The following TMEM40 variants were observed in gnomAD, a reference collection of about 807,000 sequenced individuals.
TMEM40 encodes transmembrane protein 40.
A neutral mutation model predicts 40.8 loss-of-function variants in TMEM40; 34 were observed. That is an observed-to-expected ratio of 0.83 (90% CI 0.63 to 1.11). The LOEUF is 1.11. TMEM40 is among the 50% of genes least tolerant of loss of function. The probability of loss-of-function intolerance (pLI) is 0.00; values close to 1 mark genes in which losing one functional copy is unlikely to be tolerated. For synonymous variants in TMEM40, 106 were observed against 107.0 expected (o/e 0.99, Z 0.06); for missense variants, 296 against 280.2 (o/e 1.06, Z -0.40).
chr3:12,735,117 C>T (rs957039931), intron 11 of TMEM40, among the ~76,000 whole-genome samples: 8 of 152,110 alleles, frequency 5.3e-5, no homozygotes, highest in Admixed American at 1.3e-4. Context: ...TGACTGTGGG[C>T]GAGTCACTCC....
intron 3 of TMEM40, among the ~76,000 whole-genome samples, chr3:12,745,592 G>A (rs142625465): frequency 0.02 from 3,011 of 152,176 alleles, 91 homozygotes; most frequent in African/African-American, 0.067. Flanking sequence ...GGGATTATAG[G>A]TATGTGCCAC....
intron 2 of TMEM40, among the ~76,000 whole-genome samples, chr3:12,749,041 T>C (rs886234432): frequency 6.6e-6 from 1 of 152,106 alleles, no homozygotes; most frequent in African/African-American, 2.4e-5. Flanking sequence ...TCTTTTTTTT[T>C]TGAGACGGAG....
chr3:12,748,815 G>A lies in TMEM40; in HGVS notation c.74-23C>T, dbSNP rs771005096. 76 of 1,610,584 alleles carry A rather than the reference G, an allele frequency of 4.7e-5. No homozygotes were observed. The Admixed American group carries it at 1.2e-3, about 26-fold the overall frequency. ...CATCTACAAGGCACACAGAGGCCAG[G>A]GGATGAGCGTTTCCCACCCTTCCCA... On this transcript the variant is annotated intron_variant, in intron 2 of 11. Transcript: ENST00000314124.
At position 12,734,100 on chromosome 3, in the gene TMEM40, A is replaced by G. The variant is rs1444801147; in HGVS notation, c.*674T>C. 1 of 151,846 alleles carries G rather than the reference A, an allele frequency of 6.6e-6. No homozygotes were observed. Among genetic ancestry groups the G allele is most frequent in the Non-Finnish European group, 1.5e-5 (1 of 68,038 alleles). The allele number at this position is 151,846 out of a possible 1,614,324, so 9.4% of individuals were successfully genotyped here. On this transcript the variant is annotated 3_prime_UTR_variant, in exon 12 of 12. Transcript: ENST00000314124. ...TGGTCATTAAAAAAAAATTGTAGAG[A>G]TGGGGGTCTCACTATGTTGCCCAGG... is the stretch of plus-strand genomic sequence containing the variant.
At chr3:12,742,586 G>T in intron 4 of TMEM40, 79 bp from the exon 5 acceptor site, 1 of 1,526,756 alleles carries the variant, frequency 6.5e-7, no homozygotes. Flanking sequence ...TGGCTTCGAC[G>T]CTTAAGAAGT....
chr3:12,765,008 A>G (rs2061587498), intron 1 of TMEM40, among the ~76,000 whole-genome samples: 1 of 151,900 alleles, frequency 6.6e-6, no homozygotes, highest in Admixed American at 6.6e-5. Context: ...AGTAGCTGGG[A>G]TTACAGGCAC....
rs12485572 is a variant in TMEM40 at position 12,754,501 on chromosome 3, T to C, written c.-8-4661A>G. Among the ~76,000 whole-genome samples the C allele has an allele frequency of 9.5e-3, 1,447 of 152,302 alleles. 10 individuals are homozygous for C. Among genetic ancestry groups the C allele is most frequent in the Admixed American group, 0.016 (247 of 15,296 alleles). On this transcript the variant is annotated intron_variant, in intron 1 of 11. Coordinates refer to ENST00000314124, the MANE Select transcript of TMEM40 (RefSeq NM_018306.4). ...TAGCACATAGTAGGTGCACAACCAA[T>C]GTTTGTTAAAGTGGCAATATAAGCC...
chr3:12,768,549 T>G (rs1450358199), intron 1 of TMEM40, among the ~76,000 whole-genome samples: 1 of 152,066 alleles, frequency 6.6e-6, no homozygotes, highest in Non-Finnish European at 1.5e-5. Context: ...CCCACCAGAT[T>G]AGCTAGATAC....
intron 3 of TMEM40, among the ~76,000 whole-genome samples, chr3:12,746,745 C>T (rs1433919467): frequency 1.3e-5 from 2 of 152,212 alleles, no homozygotes; most frequent in African/African-American, 4.8e-5. Context: ...GCTGCTTTCT[C>T]TTAGCGCTCC....
rs192783184 is a variant in TMEM40 at position 12,757,610 on chromosome 3, C to T, written c.-9+1581G>A. On this transcript the variant is annotated intron_variant, in intron 1 of 11. Coordinates refer to ENST00000314124, the MANE Select transcript of TMEM40 (RefSeq NM_018306.4). ...ACACTAACAAGTATTGGTGAGGGTACGAAGAAACTGGAGCCCTCATACATT... is the reference window on the plus strand; with the variant it reads ...ACACTAACAAGTATTGGTGAGGGTATGAAGAAACTGGAGCCCTCATACATT... 1.8e-4 allele frequency among the ~76,000 whole-genome samples: 28 copies of T among 152,142 alleles called. 1 individual carries two copies. In the East Asian group the frequency reaches 2.9e-3, roughly 16 times the overall value.
intron 5 of TMEM40, among the ~76,000 whole-genome samples, chr3:12,740,085 ATATTTATT>A (rs746518517): frequency 5.4e-5 from 8 of 147,246 alleles, no homozygotes; most frequent in Non-Finnish European, 1.0e-4. Flanking sequence ...TATATTTATA[ATATTTATT>A]TATTTATTTA....
At chr3:12,735,163 T>G (rs1324486025) in intron 11 of TMEM40, among the ~76,000 whole-genome samples, 2 of 152,190 alleles carry the variant, frequency 1.3e-5, no homozygotes, top group African/African-American at 4.8e-5. Context: ...TGGTCAAGTG[T>G]AACATTGCTA....
At chr3:12,756,193 T>C (rs2061525774) in intron 1 of TMEM40, among the ~76,000 whole-genome samples, 1 of 150,950 alleles carries the variant, frequency 6.6e-6, no homozygotes, top group South Asian at 2.1e-4. Flanking sequence ...CGTATTTGAG[T>C]TCCTGAAATA....
At chr3:12,749,870 T>C (rs1308848904) in intron 1 of TMEM40, 30 bp from the exon 2 acceptor site, 2 of 1,588,022 alleles carry the variant, frequency 1.3e-6, no homozygotes, top group Admixed American at 3.4e-5. Flanking sequence ...CAGTAGTTAA[T>C]ATCACCTTAG....
chr3:12,748,478 T>C (rs1317497656), intron 3 of TMEM40, among the ~76,000 whole-genome samples, 177 bp downstream of exon 3: 2 of 152,222 alleles, frequency 1.3e-5, no homozygotes, highest in African/African-American at 4.8e-5. Flanking sequence ...AAATTGCCTA[T>C]ACGATCAATG....
In TMEM40 at chr3:12,748,693, G is replaced by A. The variant is rs111630194; in HGVS notation, c.173C>T (p.Ser58Phe). 3,992 of 1,613,302 alleles carry A rather than the reference G, an allele frequency of 2.5e-3. 104 individuals carry two copies. The African/African-American group carries it at 0.047, about 19-fold the overall frequency. Residue 58 changes from serine to phenylalanine, a missense_variant, in exon 3 of 12, where the codon TCC becomes TTC. By Grantham distance (155) the Ser-to-Phe change is radical. Transcript: ENST00000314124. ...NKSSSSSSSS[S>F]SSSSSSSSSS... ...GGATGAAGAAGATGAGGAGGATGAGGAGGAAGAGGAGGAGGAGGAAGAAGA... is the reference window on the plus strand; with the variant it reads ...GGATGAAGAAGATGAGGAGGATGAGAAGGAAGAGGAGGAGGAGGAAGAAGA...
At chr3:12,753,880 G>C (rs992722875) in intron 1 of TMEM40, among the ~76,000 whole-genome samples, 1 of 152,210 alleles carries the variant, frequency 6.6e-6, no homozygotes, top group African/African-American at 2.4e-5. Context: ...CACAGGGCCT[G>C]GGCCCAGGGC....
intron 1 of TMEM40, among the ~76,000 whole-genome samples, chr3:12,752,958 G>A (rs1187725913): frequency 1.3e-5 from 2 of 152,094 alleles, no homozygotes; most frequent in East Asian, 3.9e-4. Context: ...CAGGAAAGAG[G>A]ACACACTAAC....
intron 10 of TMEM40, among the ~76,000 whole-genome samples, chr3:12,736,369 C>T (rs1469027895): frequency 1.3e-5 from 2 of 152,070 alleles, no homozygotes; most frequent in Non-Finnish European, 2.9e-5. Flanking sequence ...AAGCTGGTCT[C>T]AAACTCCTAA....
Sources: allele counts gnomAD v4.1 joint callset (sites outside exome capture counted in the v4.1 genomes callset), GRCh38; gene constraint gnomAD v4.1.1; transcripts MANE v1.5; gene names NCBI Gene and HGNC (gene_info 2026-07-23, HGNC 2026-07-21).